SV2C: variants seen among roughly 807,000 people sequenced by gnomAD.
The protein encoded by SV2C is solute carrier family 22 member B3.
A neutral mutation model predicts 79.7 loss-of-function variants in SV2C; 49 were observed. That is an observed-to-expected ratio of 0.61 (90% CI 0.49 to 0.78). The LOEUF (loss-of-function observed/expected upper bound fraction) is 0.78. SV2C is among the 30% of genes least tolerant of loss of function. The probability of loss-of-function intolerance (pLI) is 0.00; values close to 1 mark genes in which losing one functional copy is unlikely to be tolerated. For synonymous variants in SV2C, 334 were observed against 333.2 expected, an observed-to-expected ratio of 1.00 and a Z score of -0.03; for missense variants, 833 against 912.9, an observed-to-expected ratio of 0.91 and a Z score of 1.13.
chr5:76,290,765 C>A (rs1022211870), intron 6 of SV2C, among the ~76,000 whole-genome samples: 4 of 152,152 alleles, frequency 2.6e-5, no homozygotes, highest in Admixed American at 6.5e-5. Flanking sequence ...AAGTGGTGCT[C>A]TGAGAATAGT....
the SV2C span, among the ~76,000 whole-genome samples, chr5:76,022,400 T>G: frequency 6.6e-6 from 1 of 152,200 alleles, no homozygotes; most frequent in Non-Finnish European, 1.5e-5. Flanking sequence ...TATAACAAAT[T>G]GCATTAGCAT....
intron 2 of SV2C, among the ~76,000 whole-genome samples, chr5:76,134,495 C>G (rs1316337993): frequency 1.3e-5 from 2 of 152,166 alleles, no homozygotes; most frequent in Non-Finnish European, 2.9e-5. Flanking sequence ...GGATGCATGA[C>G]CCATGTTTGG....
At chr5:76,295,629 C>T (rs2112513067) in intron 8 of SV2C, 149 bp from the exon 9 acceptor site, 2 of 661,244 alleles carry the variant, frequency 3.0e-6, no homozygotes, top group Non-Finnish European at 4.8e-6. Context: ...GAGAGGGACA[C>T]ATGGATTGCT....
intron 2 of SV2C, among the ~76,000 whole-genome samples, chr5:76,193,447 C>T (rs1267314152): frequency 6.6e-6 from 1 of 152,130 alleles, no homozygotes; most frequent in Non-Finnish European, 1.5e-5. Flanking sequence ...GAAATTAACA[C>T]CCAGCTAAAG....
chr5:76,072,251 G>GA, the SV2C span, among the ~76,000 whole-genome samples: 9 of 152,186 alleles, frequency 5.9e-5, no homozygotes, highest in South Asian at 1.5e-3. Flanking sequence ...CAAAGTTCAA[G>GA]AAAAAATGTG....
At chr5:76,118,974 C>A (rs1004966316) in intron 1 of SV2C, among the ~76,000 whole-genome samples, 3 of 152,120 alleles carry the variant, frequency 2.0e-5, no homozygotes, top group Admixed American at 2.0e-4. Flanking sequence ...CAAAGCGAGA[C>A]CCTGTCTTAA....
chr5:76,032,985 C>A, the SV2C span, among the ~76,000 whole-genome samples: 1 of 152,186 alleles, frequency 6.6e-6, no homozygotes, highest in Admixed American at 6.5e-5. Flanking sequence ...ATTTGCATTT[C>A]TCTGATGGCC....
At chr5:75,937,768 G>C in the SV2C span, among the ~76,000 whole-genome samples, 2 of 151,918 alleles carry the variant, frequency 1.3e-5, no homozygotes, top group Non-Finnish European at 2.9e-5. Context: ...TTCTCTAACT[G>C]CAACAGCTAG....
At chr5:76,115,483 T>C (rs1748235050) in intron 1 of SV2C, among the ~76,000 whole-genome samples, 1 of 152,216 alleles carries the variant, frequency 6.6e-6, no homozygotes, top group South Asian at 2.1e-4. Context: ...TGGATTTTTC[T>C]CTTTGACTGC....
At chr5:76,197,411 A>C (rs1340678539) in intron 3 of SV2C, among the ~76,000 whole-genome samples, 1 of 152,172 alleles carries the variant, frequency 6.6e-6, no homozygotes, top group African/African-American at 2.4e-5. Flanking sequence ...GAAAGGCCTA[A>C]TCAGGGACAA....
chr5:76,185,599 C>T (rs1327128351), intron 2 of SV2C, among the ~76,000 whole-genome samples: 3 of 152,250 alleles, frequency 2.0e-5, no homozygotes, highest in Non-Finnish European at 4.4e-5. Flanking sequence ...GGCTTGCACT[C>T]TCTGAAGCAA....
intron 2 of SV2C, among the ~76,000 whole-genome samples, chr5:76,185,097 A>T (rs1224366215): frequency 6.6e-6 from 1 of 152,214 alleles, no homozygotes; most frequent in Non-Finnish European, 1.5e-5. Flanking sequence ...TGAGTCCAAA[A>T]TCCAGTAGGT....
intron 3 of SV2C, among the ~76,000 whole-genome samples, chr5:76,197,729 G>GATAGATAGATAGATAGATAT: frequency 1.3e-5 from 2 of 152,282 alleles, no homozygotes; most frequent in South Asian, 4.1e-4. Flanking sequence ...TAGATAGATA[G>GATAGATAGATAGATAGATAT]ATAGATATGA....
the SV2C span, among the ~76,000 whole-genome samples, chr5:75,937,251 C>G: frequency 6.6e-6 from 1 of 152,162 alleles, no homozygotes; most frequent in African/African-American, 2.4e-5. Flanking sequence ...TTGTCATACT[C>G]TTTGTGAAGT....
At chr5:75,982,231 AT>A in the SV2C span, among the ~76,000 whole-genome samples, 21 of 142,272 alleles carry the variant, frequency 1.5e-4, no homozygotes, top group African/African-American at 6.3e-4. Context: ...AATTAAAAAA[AT>A]AAAAAGAAAA....
intron 1 of SV2C, among the ~76,000 whole-genome samples, chr5:76,114,758 C>G (rs1173372762): frequency 1.3e-5 from 2 of 152,208 alleles, no homozygotes; most frequent in Non-Finnish European, 2.9e-5. Context: ...CTTCATGGCT[C>G]CCAGCCTGTG....
At chr5:75,903,338 TGTA>T in the SV2C span, among the ~76,000 whole-genome samples, 1 of 151,520 alleles carries the variant, frequency 6.6e-6, no homozygotes, top group Non-Finnish European at 1.5e-5. Context: ...GAGTGTTGTG[TGTA>T]GGAGTGAGAG....
At chr5:76,250,832 G>T (rs149249009) in intron 4 of SV2C, among the ~76,000 whole-genome samples, 1 of 151,266 alleles carries the variant, frequency 6.6e-6, no homozygotes, top group Admixed American at 6.6e-5. Flanking sequence ...CTCAATGGAC[G>T]TTTTTTTTTC....
At chr5:76,084,549 T>C in intron 1 of SV2C, among the ~76,000 whole-genome samples, 1 of 67,142 alleles carries the variant, frequency 1.5e-5, no homozygotes, top group Non-Finnish European at 2.8e-5. Flanking sequence ...TCTGTGGGCG[T>C]GCGGGGACCT....
Sources: allele counts gnomAD v4.1 joint callset (sites outside exome capture counted in the v4.1 genomes callset), GRCh38; gene constraint gnomAD v4.1.1; transcripts MANE v1.5; gene names NCBI Gene and HGNC (gene_info 2026-07-23, HGNC 2026-07-21).